CDH12: variants seen among roughly 807,000 people sequenced by gnomAD.
CDH12 encodes the protein cadherin 12.
A neutral mutation model predicts 74.1 loss-of-function variants in CDH12; 41 were observed. That is an observed-to-expected ratio of 0.55 (90% CI 0.43 to 0.72). The LOEUF (loss-of-function observed/expected upper bound fraction) is 0.72, where lower values mean the gene tolerates loss of function less well. Among genes scored for constraint, CDH12 ranks in the 30% least tolerant of loss-of-function variants. CDH12 has a pLI of 0.00. For synonymous variants in CDH12, 399 were observed against 355.0 expected, an observed-to-expected ratio of 1.12 and a Z score of -1.39; for missense variants, 945 against 977.2, an observed-to-expected ratio of 0.97 and a Z score of 0.44.
rs761850084 is a variant in CDH12, at chr5:21,942,334, G to GTATATATATATA, written c.526+32745_526+32756dup. Among the ~76,000 whole-genome samples the GTATATATATATA allele has an allele frequency of 2.1e-3, 226 of 106,848 alleles. 5 individuals are homozygous for GTATATATATATA. The highest frequency in any genetic ancestry group is 9.7e-3 in the African/African-American group (209 of 21,504). 70.1% of individuals were successfully genotyped at this position (106,848 alleles called of 152,430 possible). A position where few individuals can be genotyped will look rare whatever the true frequency, so the allele number is the denominator to read the frequency against. ...CTCCAGCCACTATGAGACAAATACAGTATATATATATATACACACACACAC... is the reference window on the plus strand; with the variant it reads ...CTCCAGCCACTATGAGACAAATACAGTATATATATATATATATATATATATACACACACACAC... On this transcript the variant is annotated intron_variant, in intron 6 of 14. Coordinates refer to ENST00000382254, the MANE Select transcript of CDH12 (RefSeq NM_004061.5).
intron 1 of CDH12, among the ~76,000 whole-genome samples, chr5:22,740,056 A>G (rs762609925): frequency 1.2e-4 from 18 of 152,146 alleles, no homozygotes; most frequent in African/African-American, 4.1e-4. Context: ...ACATAATTTG[A>G]TTTGGGGCAA....
intron 3 of CDH12, among the ~76,000 whole-genome samples, chr5:22,259,432 A>G (rs1753436676): frequency 1.3e-5 from 2 of 152,124 alleles, no homozygotes; most frequent in East Asian, 1.9e-4. Context: ...TACTTCTGGT[A>G]TAAACCATCA....
intron 1 of CDH12, among the ~76,000 whole-genome samples, chr5:22,770,500 G>A (rs942939573): frequency 5.3e-5 from 8 of 152,074 alleles, no homozygotes; most frequent in African/African-American, 1.7e-4. Flanking sequence ...TATCCATATA[G>A]CATACAATGT....
chr5:22,106,927 T>A (rs1227707001), intron 4 of CDH12, among the ~76,000 whole-genome samples: 1 of 152,142 alleles, frequency 6.6e-6, no homozygotes, highest in Non-Finnish European at 1.5e-5. Context: ...AAAAATCTAA[T>A]AGATGAGCCT....
At chr5:22,002,180 A>AT (rs1287353941) in intron 5 of CDH12, among the ~76,000 whole-genome samples, 1 of 152,180 alleles carries the variant, frequency 6.6e-6, no homozygotes, top group Non-Finnish European at 1.5e-5. Context: ...TATTCCAAAC[A>AT]TTTTTATTGA....
chr5:22,058,443 T>C (rs911395436), intron 5 of CDH12, among the ~76,000 whole-genome samples: 6 of 152,138 alleles, frequency 3.9e-5, no homozygotes, highest in African/African-American at 1.4e-4. Context: ...AAAGTACAAA[T>C]GTATTTGTCC....
At chr5:22,509,157 G>C (rs1736505476) in intron 1 of CDH12, among the ~76,000 whole-genome samples, 1 of 152,088 alleles carries the variant, frequency 6.6e-6, no homozygotes, top group South Asian at 2.1e-4. Context: ...AGACAACCTA[G>C]GACAGGCATA....
At chr5:22,433,800 T>C (rs1341976574) in intron 2 of CDH12, among the ~76,000 whole-genome samples, 1 of 152,184 alleles carries the variant, frequency 6.6e-6, no homozygotes, top group Non-Finnish European at 1.5e-5. Flanking sequence ...CAACTATGTG[T>C]GTACCCATTT....
intron 6 of CDH12, among the ~76,000 whole-genome samples, chr5:21,941,725 T>A (rs1439084968): frequency 1.3e-5 from 2 of 151,938 alleles, no homozygotes; most frequent in Non-Finnish European, 2.9e-5. Flanking sequence ...GGAAAGGGAG[T>A]TATATAGGAA....
chr5:22,338,932 C>T (rs1358638329), intron 3 of CDH12, among the ~76,000 whole-genome samples: 3 of 152,020 alleles, frequency 2.0e-5, no homozygotes, highest in African/African-American at 7.3e-5. Context: ...CAGCTGACAG[C>T]CAGCAAAAAG....
At chr5:21,891,076 A>G (rs1455570504) in intron 6 of CDH12, among the ~76,000 whole-genome samples, 1 of 152,014 alleles carries the variant, frequency 6.6e-6, no homozygotes, top group African/African-American at 2.4e-5. Context: ...TCTACCACAT[A>G]CCTTTCCAAA....
intron 5 of CDH12, among the ~76,000 whole-genome samples, chr5:21,982,322 G>A (rs370603784): frequency 1.8e-4 from 27 of 151,940 alleles, no homozygotes; most frequent in East Asian, 1.7e-3. Flanking sequence ...GAGCCTGCCC[G>A]TCTTTAGACT....
At chr5:21,802,511 T>C (rs1747177121) in intron 9 of CDH12, 91 bp from the exon 10 acceptor site, 4 of 1,062,720 alleles carry the variant, frequency 3.8e-6, no homozygotes, top group African/African-American at 1.6e-5. Context: ...TTGCAAGTTA[T>C]TATCAATTAT....
intron 7 of CDH12, among the ~76,000 whole-genome samples, chr5:21,844,784 ACT>A (rs1046437252): frequency 5.3e-5 from 8 of 152,092 alleles, no homozygotes; most frequent in African/African-American, 1.9e-4. Context: ...CAATTCCACA[ACT>A]CTCTCTGTCC....
rs544480818 is a variant in CDH12 at position 22,030,640 on chromosome 5, T to G, written c.231+47806A>C. Among the ~76,000 whole-genome samples the G allele has an allele frequency of 2.8e-4, 42 of 152,300 alleles. No individual in the cohort carries two copies. The South Asian group carries it at 4.8e-3, about 17-fold the overall frequency. On this transcript the variant is annotated intron_variant, in intron 5 of 14. Coordinates refer to ENST00000382254, the MANE Select transcript of CDH12 (RefSeq NM_004061.5). ...TCAGAAAGGAAAATGTGCATTGGCTTCAACTTAAAATCACTAGTTGCCTTA... is the reference window on the plus strand; with the variant it reads ...TCAGAAAGGAAAATGTGCATTGGCTGCAACTTAAAATCACTAGTTGCCTTA...
intron 1 of CDH12, among the ~76,000 whole-genome samples, chr5:22,559,328 G>A (rs752679643): frequency 3.3e-5 from 5 of 151,766 alleles, no homozygotes; most frequent in South Asian, 2.1e-4. Context: ...TGGGAAAGAC[G>A]GTAATTATAT....
chr5:21,773,307 C>CA lies in CDH12; in HGVS notation c.1394-8209dup, dbSNP rs138888522. Among the ~76,000 whole-genome samples the CA allele has an allele frequency of 7.3e-3, 1,115 of 152,200 alleles. 10 individuals carry two copies. The highest frequency in any genetic ancestry group is 0.023 in the African/African-American group (969 of 41,530). On this transcript the variant is annotated intron_variant, in intron 11 of 14. Coordinates refer to ENST00000382254, the MANE Select transcript of CDH12 (RefSeq NM_004061.5). ...TGAGGGTGTTGCCAAAGGAGATTAA[C>CA]ATTTGAGTCAGTGAACTGAAAGAGG...
chr5:22,660,035 T>C (rs1740264609), intron 1 of CDH12, among the ~76,000 whole-genome samples: 1 of 152,152 alleles, frequency 6.6e-6, no homozygotes, highest in Admixed American at 6.5e-5. Flanking sequence ...AAAAATGCAT[T>C]GGAGTTGAAT....
chr5:22,162,580 C>T (rs929938862), intron 4 of CDH12, among the ~76,000 whole-genome samples: 4 of 152,274 alleles, frequency 2.6e-5, no homozygotes, highest in African/African-American at 9.6e-5. Context: ...AGACAAGAAT[C>T]ACATGTGGCT....
Sources: gnomAD v4.1 joint callset for allele counts (sites outside exome capture counted in the v4.1 genomes callset) on GRCh38, gnomAD v4.1.1 for gene constraint, MANE v1.5 for transcripts, NCBI Gene and HGNC (gene_info 2026-07-23, HGNC 2026-07-21) for gene names.